The following EDIL3 variants were observed in gnomAD, a reference collection of about 807,000 sequenced individuals.
The protein encoded by EDIL3 is EGF like and discoidin domains 3.
EDIL3 carries 37 observed loss-of-function variants against 67.4 expected under a neutral mutation model. The observed-to-expected ratio is 0.55, with a 90% CI of 0.42 to 0.72. EDIL3 has a LOEUF of 0.72. EDIL3 is among the 30% of genes least tolerant of loss of function. The pLI, the probability that EDIL3 is intolerant of heterozygous loss-of-function variation, is 0.00. For missense variants in EDIL3, 527 were observed against 586.3 expected, an observed-to-expected ratio of 0.90 and a Z score of 1.04; for synonymous variants, 195 against 196.3, an observed-to-expected ratio of 0.99 and a Z score of 0.05.
At chr5:84,142,158 C>T (rs372792079) in intron 4 of EDIL3, among the ~76,000 whole-genome samples, 15 of 151,550 alleles carry the variant, frequency 9.9e-5, no homozygotes, top group African/African-American at 3.6e-4. Context: ...GAGTGGTAGG[C>T]TGTCAAAGAG....
intron 3 of EDIL3, among the ~76,000 whole-genome samples, chr5:84,208,685 C>CAAAA (rs70975546): frequency 1.4e-3 from 81 of 59,398 alleles, no homozygotes; most frequent in East Asian, 2.4e-3. Flanking sequence ...GACTCCGTCT[C>CAAAA]AAAAAAAAAA....
At chr5:84,118,044 T>C (rs1747703169) in intron 5 of EDIL3, among the ~76,000 whole-genome samples, 2 of 152,166 alleles carry the variant, frequency 1.3e-5, no homozygotes, top group Non-Finnish European at 2.9e-5. Flanking sequence ...TACAGCAGGA[T>C]ATAGTCATTC....
intron 2 of EDIL3, among the ~76,000 whole-genome samples, chr5:84,242,080 A>AAG (rs1561232321): frequency 6.6e-6 from 1 of 151,018 alleles, no homozygotes; most frequent in African/African-American, 2.4e-5. Flanking sequence ...AAAAAAAAAA[A>AAG]AATTAGCCAG....
intron 1 of EDIL3, among the ~76,000 whole-genome samples, chr5:84,375,708 A>G (rs867121077): frequency 6.6e-6 from 1 of 152,190 alleles, no homozygotes; most frequent in African/African-American, 2.4e-5. Flanking sequence ...TAAATCAAAA[A>G]ATTGTGCTGA....
intron 1 of EDIL3, among the ~76,000 whole-genome samples, chr5:84,362,041 T>C (rs1338413703): frequency 6.6e-6 from 1 of 152,076 alleles, no homozygotes; most frequent in African/African-American, 2.4e-5. Flanking sequence ...ATGAACTTAA[T>C]GTAGAATACA....
intron 10 of EDIL3, among the ~76,000 whole-genome samples, chr5:83,954,515 C>T (rs890901020): frequency 5.3e-5 from 8 of 151,636 alleles, no homozygotes; most frequent in Admixed American, 5.3e-4. Flanking sequence ...TCTCTTGCCA[C>T]GTGATGAGCC....
At chr5:84,213,679 A>T (rs1477752034) in intron 3 of EDIL3, among the ~76,000 whole-genome samples, 1 of 152,208 alleles carries the variant, frequency 6.6e-6, no homozygotes, top group Non-Finnish European at 1.5e-5. Flanking sequence ...AACATATCTA[A>T]ATCTTGTTGA....
intron 1 of EDIL3, among the ~76,000 whole-genome samples, chr5:84,255,641 T>C (rs1212731024): frequency 1.3e-5 from 2 of 152,176 alleles, no homozygotes; most frequent in African/African-American, 4.8e-5. Flanking sequence ...GTAAGGTTTT[T>C]CACATGAGAA....
intron 9 of EDIL3, among the ~76,000 whole-genome samples, chr5:84,008,607 A>G (rs1285557486): frequency 1.3e-5 from 2 of 152,158 alleles, no homozygotes; most frequent in African/African-American, 4.8e-5. Context: ...GAGAAAAATG[A>G]TATATTATTA....
At chr5:84,325,762 A>G (rs1032740774) in intron 1 of EDIL3, among the ~76,000 whole-genome samples, 8 of 152,098 alleles carry the variant, frequency 5.3e-5, no homozygotes, top group Non-Finnish European at 1.0e-4. Context: ...ATGAATGAGT[A>G]TCAAAATGTG....
chr5:84,102,898 C>G (rs1561432217), intron 6 of EDIL3, among the ~76,000 whole-genome samples: 2 of 151,704 alleles, frequency 1.3e-5, no homozygotes, highest in Non-Finnish European at 1.5e-5. Context: ...CCAAGACAAT[C>G]CTGAAGACAA....
intron 5 of EDIL3, among the ~76,000 whole-genome samples, chr5:84,132,581 A>T (rs1460315244): frequency 6.2e-5 from 7 of 112,908 alleles, no homozygotes; most frequent in African/African-American, 2.3e-4. Context: ...TATAATATAT[A>T]TTTTATATAT....
intron 1 of EDIL3, among the ~76,000 whole-genome samples, chr5:84,273,268 A>C (rs1358072482): frequency 6.6e-6 from 1 of 152,128 alleles, no homozygotes; most frequent in Non-Finnish European, 1.5e-5. Context: ...TAGGGCGCTA[A>C]TGGTCCCAAG....
chr5:84,162,811 G>C (rs565147010), intron 4 of EDIL3, among the ~76,000 whole-genome samples: 7 of 152,134 alleles, frequency 4.6e-5, no homozygotes, highest in African/African-American at 1.7e-4. Flanking sequence ...CTCTGTCCTT[G>C]ATCTGTATCC....
intron 1 of EDIL3, among the ~76,000 whole-genome samples, chr5:84,299,848 T>G (rs1361347402): frequency 6.6e-6 from 1 of 152,226 alleles, no homozygotes; most frequent in Non-Finnish European, 1.5e-5. Context: ...ACCAATATTT[T>G]TGTTTGCCTG....
chr5:84,151,721 T>C (rs1481219445), intron 4 of EDIL3, among the ~76,000 whole-genome samples: 1 of 152,156 alleles, frequency 6.6e-6, no homozygotes, highest in South Asian at 2.1e-4. Context: ...ATCTGAAGCA[T>C]ATAAAACTAT....
At chr5:84,253,335 T>A (rs1162753033) in intron 2 of EDIL3, among the ~76,000 whole-genome samples, 1 of 152,198 alleles carries the variant, frequency 6.6e-6, no homozygotes, top group African/African-American at 2.4e-5. Flanking sequence ...AATATAAATT[T>A]TTTTCAAACT....
At chr5:84,267,448 CAT>C (rs1745372372) in intron 1 of EDIL3, among the ~76,000 whole-genome samples, 1 of 152,176 alleles carries the variant, frequency 6.6e-6, no homozygotes, top group Admixed American at 6.5e-5. Flanking sequence ...ATGGCAGACA[CAT>C]GATAGTAGCG....
chr5:84,094,443 A>C (rs10514263), intron 6 of EDIL3, among the ~76,000 whole-genome samples: 10,078 of 152,258 alleles, frequency 0.066, 448 homozygotes, highest in Middle Eastern at 0.13. Flanking sequence ...TTCCACTTGA[A>C]TAAGGCAGTA....
Sources: allele counts gnomAD v4.1 joint callset (sites outside exome capture counted in the v4.1 genomes callset), GRCh38; gene constraint gnomAD v4.1.1; transcripts MANE v1.5; gene names NCBI Gene and HGNC (gene_info 2026-07-23, HGNC 2026-07-21).